CCSER1: variants seen among roughly 807,000 people sequenced by gnomAD.
The protein encoded by CCSER1 is coiled-coil serine rich protein 1.
A neutral mutation model predicts 82.0 loss-of-function variants in CCSER1; 41 were observed. That is an observed-to-expected ratio of 0.50 (90% CI 0.39 to 0.65). CCSER1 has a LOEUF of 0.65. Among genes scored for constraint, CCSER1 ranks in the 30% least tolerant of loss-of-function variants. The probability of loss-of-function intolerance (pLI) is 0.00; values close to 1 mark genes in which losing one functional copy is unlikely to be tolerated. For missense variants in CCSER1, 1,119 were observed against 1,064.2 expected (o/e 1.05, Z -0.72); for synonymous variants, 414 against 383.9 (o/e 1.08, Z -0.92).
intron 8 of CCSER1, among the ~76,000 whole-genome samples, chr4:90,851,198 T>G (rs1296972516): frequency 2.0e-5 from 3 of 152,184 alleles, no homozygotes; most frequent in Non-Finnish European, 4.4e-5. Flanking sequence ...AGTCTCGTAT[T>G]TCTTCATAAC....
chr4:91,023,096 C>T (rs1740156498), intron 9 of CCSER1, among the ~76,000 whole-genome samples: 1 of 152,118 alleles, frequency 6.6e-6, no homozygotes, highest in African/African-American at 2.4e-5. Context: ...ATCCAACTTA[C>T]AAGGGACGTG....
intron 10 of CCSER1, among the ~76,000 whole-genome samples, chr4:91,182,093 C>T (rs1734087701): frequency 6.6e-6 from 1 of 152,008 alleles, no homozygotes; most frequent in African/African-American, 2.4e-5. Context: ...TTGATCTGTC[C>T]CCAGATGGGT....
intron 4 of CCSER1, among the ~76,000 whole-genome samples, chr4:90,447,118 A>G (rs1485594013): frequency 2.6e-5 from 4 of 152,132 alleles, no homozygotes; most frequent in Non-Finnish European, 5.9e-5. Flanking sequence ...GGGATTGAAA[A>G]CTGCACGTTG....
chr4:91,315,530 A>C, intron 10 of CCSER1, among the ~76,000 whole-genome samples: 1 of 151,952 alleles, frequency 6.6e-6, no homozygotes, highest in East Asian at 1.9e-4. Context: ...TTTACTGAGT[A>C]TTTTCTATAG....
chr4:90,977,119 A>C (rs1001375593), intron 9 of CCSER1, among the ~76,000 whole-genome samples: 3 of 151,574 alleles, frequency 2.0e-5, no homozygotes, highest in Admixed American at 1.3e-4. Flanking sequence ...TTGGAATAAA[A>C]ATACAATGCT....
chr4:90,690,961 A>G (rs116436988), intron 6 of CCSER1, among the ~76,000 whole-genome samples: 2,121 of 151,966 alleles, frequency 0.014, 51 homozygotes, highest in African/African-American at 0.048. Context: ...TGCTTACTCA[A>G]TGTCACTTTT....
chr4:91,425,595 TCA>T (rs1216249691), intron 10 of CCSER1, among the ~76,000 whole-genome samples: 5 of 152,252 alleles, frequency 3.3e-5, no homozygotes, highest in African/African-American at 1.2e-4. Context: ...GACAAAATGG[TCA>T]CTAGTAAGAA....
intron 4 of CCSER1, among the ~76,000 whole-genome samples, chr4:90,437,452 C>CA (rs1202149254): frequency 6.6e-6 from 1 of 151,980 alleles, no homozygotes; most frequent in Non-Finnish European, 1.5e-5. Flanking sequence ...ATAGTGGAAG[C>CA]AAAAAACTTA....
At chr4:90,207,313 A>T (rs1374854879) in intron 1 of CCSER1, among the ~76,000 whole-genome samples, 1 of 152,106 alleles carries the variant, frequency 6.6e-6, no homozygotes, top group East Asian at 1.9e-4. Flanking sequence ...ATGCCTCATG[A>T]AATTCTCATG....
At chr4:90,308,136 T>A (rs563905603) in intron 1 of CCSER1, 108 bp from the exon 2 acceptor site, 1 of 857,552 alleles carries the variant, frequency 1.2e-6, no homozygotes, top group East Asian at 2.8e-5. Context: ...ATCGTCTTAG[T>A]ATAAACTAAA....
At chr4:90,382,869 C>G (rs1162085932) in intron 3 of CCSER1, among the ~76,000 whole-genome samples, 3 of 134,978 alleles carry the variant, frequency 2.2e-5, no homozygotes, top group African/African-American at 8.6e-5. Context: ...TGTTCTTATT[C>G]AACTATTTAT....
At chr4:90,365,700 A>G (rs1329320931) in intron 3 of CCSER1, among the ~76,000 whole-genome samples, 1 of 151,868 alleles carries the variant, frequency 6.6e-6, no homozygotes, top group Non-Finnish European at 1.5e-5. Context: ...TATATAAGCA[A>G]CTGTTGAACT....
chr4:90,905,717 T>C (rs558254305), intron 8 of CCSER1, among the ~76,000 whole-genome samples: 1 of 152,236 alleles, frequency 6.6e-6, no homozygotes, highest in African/African-American at 2.4e-5. Flanking sequence ...CAACTCTCTA[T>C]GTCATGAGAG....
At chr4:91,166,405 A>C (rs1417690113) in intron 10 of CCSER1, among the ~76,000 whole-genome samples, 1 of 152,166 alleles carries the variant, frequency 6.6e-6, no homozygotes, top group Non-Finnish European at 1.5e-5. Context: ...CCATTACCCA[A>C]ATGTTCATTT....
intron 3 of CCSER1, among the ~76,000 whole-genome samples, chr4:90,330,193 A>G (rs867832444): frequency 3.3e-5 from 5 of 152,114 alleles, no homozygotes; most frequent in Admixed American, 1.3e-4. Flanking sequence ...TCTTTATTCT[A>G]TTGGAAGGAT....
In CCSER1 at chr4:90,551,753, AT is replaced by A. The variant is rs1338755391; in HGVS notation, c.1725-76271del. ...GTAATTACCTGTATTCTTGTCTCTT[AT>A]CCCCACTAGACCCTAAGCCTTGTAA... On this transcript the variant is annotated intron_variant, in intron 5 of 10. Transcript: ENST00000509176. Among the ~76,000 whole-genome samples, 6 of 132,166 alleles carry A rather than the reference AT, an allele frequency of 4.5e-5. No homozygotes were observed. The East Asian group carries it at 1.3e-3, about 29-fold the overall frequency. The allele number at this position is 132,166 out of a possible 152,430, so 86.7% of individuals were successfully genotyped here. A position where few individuals can be genotyped will look rare whatever the true frequency, so the allele number is the denominator to read the frequency against.
Position 91,298,794 on chromosome 4 carries a change from T to C in CCSER1, c.2217+212800T>C, listed in dbSNP as rs191640428. The stretch of plus-strand genomic sequence containing the variant: ...ATAAACAGAGAGATCACAGACAAAC[T>C]TAATGCTCTCACATATTACCAGCTT... On this transcript the variant is annotated intron_variant, in intron 10 of 10. Transcript: ENST00000509176. Among the ~76,000 whole-genome samples, 6 of 152,098 alleles carry C rather than the reference T, an allele frequency of 3.9e-5. No homozygotes were observed. The East Asian group carries it at 1.2e-3, about 30-fold the overall frequency.
At chr4:91,400,847 T>G (rs867862019) in intron 10 of CCSER1, among the ~76,000 whole-genome samples, 29 of 151,852 alleles carry the variant, frequency 1.9e-4, no homozygotes, top group African/African-American at 5.8e-4. Context: ...TCCCCCTGAA[T>G]TGGTCTTTTG....
At chr4:90,967,635 G>T (rs574913064) in intron 9 of CCSER1, among the ~76,000 whole-genome samples, 16 of 151,966 alleles carry the variant, frequency 1.1e-4, no homozygotes, top group Non-Finnish European at 2.1e-4. Context: ...TCCAATAATG[G>T]TTAGTGATGG....
Sources: allele counts gnomAD v4.1 joint callset (sites outside exome capture counted in the v4.1 genomes callset), GRCh38; gene constraint gnomAD v4.1.1; transcripts MANE v1.5; gene names NCBI Gene and HGNC (gene_info 2026-07-23, HGNC 2026-07-21).